The following AP3D1 variants were observed in gnomAD, a reference collection of about 807,000 sequenced individuals.
AP3D1 encodes adaptor related protein complex 3 subunit delta 1.
In AP3D1, 51 loss-of-function variants were observed where a neutral mutation model predicts 147.6. The ratio of observed to expected loss-of-function variants is 0.35; its 90% CI spans 0.28 to 0.44. AP3D1 has a LOEUF of 0.44. Among genes scored for constraint, AP3D1 ranks in the 20% least tolerant of loss-of-function variants. The pLI, the probability that AP3D1 is intolerant of heterozygous loss-of-function variation, is 1.00. For synonymous variants in AP3D1, 760 were observed against 663.0 expected (o/e 1.15, Z -2.25); for missense variants, 1,421 against 1,624.2 (o/e 0.87, Z 2.15).
chr19:2,154,089 A>G (rs914788721), upstream of AP3D1, among the ~76,000 whole-genome samples: 10 of 151,738 alleles, frequency 6.6e-5, no homozygotes, highest in Non-Finnish European at 1.3e-4. Context: ...CTGGGATTAC[A>G]GCTGCCCACC....
At chr19:2,115,078 C>T in intron 20 of AP3D1, 141 bp downstream of exon 20, 3 of 938,408 alleles carry the variant, frequency 3.2e-6, no homozygotes, top group Non-Finnish European at 4.7e-6. Flanking sequence ...ACAGAGAGGC[C>T]TCTCCTCCTA....
chr19:2,137,945 A>C (rs1599484923), intron 2 of AP3D1, 138 bp from the exon 3 acceptor site: 107 of 491,112 alleles, frequency 2.2e-4, no homozygotes, highest in Middle Eastern at 4.4e-4. Context: ...CCCAATACGT[A>C]CCCCTGGGGC....
chr19:2,116,805 G>A (rs916804021), intron 16 of AP3D1, 59 bp from the exon 17 acceptor site: 37 of 1,526,850 alleles, frequency 2.4e-5, no homozygotes, highest in Admixed American at 8.4e-5. Context: ...GCCTGCAGGC[G>A]TCCGCCCTGA....
chr19:2,102,513 G>C (rs556762882), intron 31 of AP3D1, among the ~76,000 whole-genome samples: 1 of 152,166 alleles, frequency 6.6e-6, no homozygotes, highest in East Asian at 1.9e-4. Flanking sequence ...CAGATCACCA[G>C]GTCAGGATAT....
intron 1 of AP3D1, among the ~76,000 whole-genome samples, chr19:2,159,525 A>G (rs1427857797): frequency 6.6e-6 from 1 of 150,706 alleles, no homozygotes; most frequent in Non-Finnish European, 1.5e-5. Flanking sequence ...AGTAGCTGGG[A>G]CTACAGGTGC....
At chr19:2,143,992 A>T (rs1305002320) in intron 1 of AP3D1, among the ~76,000 whole-genome samples, 2 of 151,906 alleles carry the variant, frequency 1.3e-5, no homozygotes, top group African/African-American at 2.4e-5. Flanking sequence ...AGGCTGAGGC[A>T]AGAGAATCGC....
At chr19:2,135,041 A>G (rs1392134973) in intron 4 of AP3D1, among the ~76,000 whole-genome samples, 1 of 151,780 alleles carries the variant, frequency 6.6e-6, no homozygotes. Context: ...TCTATTAAAA[A>G]CACAAAAAAA....
intron 1 of AP3D1, among the ~76,000 whole-genome samples, chr19:2,141,472 T>C (rs2019218603): frequency 6.7e-6 from 1 of 149,882 alleles, no homozygotes; most frequent in Admixed American, 6.7e-5. Flanking sequence ...TCTTGCTCTG[T>C]CACCAGGCTG....
Position 2,111,698 on chromosome 19 carries a change from G to A in AP3D1, c.2918C>T (p.Pro973Leu). The A allele has an allele frequency of 1.3e-6, 2 of 1,596,006 alleles. No homozygotes were observed. The highest frequency in any genetic ancestry group is 1.3e-5 in the African/African-American group (1 of 74,688). ...CCTCACCGGGAGCTGCTCCTCCTCT[G>A]GCGCGCCATTCTGCACCGGCTCCCC... ...AAGEPVQNGA[P>L]EEEQLPPESS... The change falls in exon 25 of 32, where the codon CCA becomes CTA. Residue 973 changes from proline to leucine, a missense_variant. This residue lies in a region of AP3D1 where 791 missense variants were observed against 761.4 expected (regional missense o/e 1.04). Coordinates refer to ENST00000643116, the MANE Select transcript of AP3D1 (RefSeq NM_001261826.3).
intron 1 of AP3D1, among the ~76,000 whole-genome samples, chr19:2,141,739 CTTTT>C (rs376543698): frequency 6.8e-6 from 1 of 147,386 alleles, no homozygotes; most frequent in African/African-American, 2.5e-5. Flanking sequence ...CATGCCCGGC[CTTTT>C]TTTTTTCTTT....
intron 1 of AP3D1, among the ~76,000 whole-genome samples, chr19:2,144,319 CTT>C (rs769779378): frequency 6.6e-6 from 1 of 152,220 alleles, no homozygotes; most frequent in Non-Finnish European, 1.5e-5. Flanking sequence ...GCTTTATTCT[CTT>C]GTTGTGGACA....
chr19:2,139,361 G>A (rs1327371850), intron 1 of AP3D1, among the ~76,000 whole-genome samples: 1 of 152,150 alleles, frequency 6.6e-6, no homozygotes, highest in African/African-American at 2.4e-5. Context: ...GACTCTCACT[G>A]CTGTGAAAAC....
intron 14 of AP3D1, 81 bp from the exon 15 acceptor site, chr19:2,118,913 G>A (rs1237887736): frequency 7.5e-7 from 1 of 1,325,094 alleles, no homozygotes; most frequent in Non-Finnish European, 1.0e-6. Flanking sequence ...AGGAGGCCTG[G>A]GCTCGTCACC....
intron 1 of AP3D1, among the ~76,000 whole-genome samples, chr19:2,162,712 G>T (rs1461529546): frequency 1.3e-5 from 2 of 151,666 alleles, no homozygotes; most frequent in African/African-American, 4.8e-5. Context: ...ACAGTACAAG[G>T]CACTTGTACT....
intron 1 of AP3D1, among the ~76,000 whole-genome samples, chr19:2,161,474 T>A (rs1427899730): frequency 6.6e-6 from 1 of 152,074 alleles, no homozygotes; most frequent in Non-Finnish European, 1.5e-5. Context: ...CTGGGCCTGA[T>A]AATTAAAAAT....
At chr19:2,115,706 C>T in intron 18 of AP3D1, 93 bp from the exon 19 acceptor site, 1 of 1,349,242 alleles carries the variant, frequency 7.4e-7, no homozygotes. Context: ...GACGCAGCCC[C>T]AACATCCTAA....
chr19:2,102,354 G>A (rs1159534991), intron 31 of AP3D1, 86 bp from the exon 32 acceptor site: 1 of 1,217,966 alleles, frequency 8.2e-7, no homozygotes, highest in Non-Finnish European at 1.2e-6. Flanking sequence ...AGCATTTTGG[G>A]AGGCCAAGGT....
At chr19:2,113,973 T>C in intron 22 of AP3D1, 152 bp downstream of exon 22, 1 of 1,363,624 alleles carries the variant, frequency 7.3e-7, no homozygotes, top group East Asian at 2.5e-5. Flanking sequence ...AAGCCACATG[T>C]CCTCACTCCG....
At chr19:2,133,515 T>TC (rs1175633080) in intron 4 of AP3D1, 1 of 152,072 alleles carries the variant, frequency 6.6e-6, no homozygotes, top group East Asian at 1.9e-4. Flanking sequence ...GGCCAGCTTT[T>TC]TTTTTTTTGA....
Sources: allele counts gnomAD v4.1 joint callset (sites outside exome capture counted in the v4.1 genomes callset), GRCh38; gene constraint gnomAD v4.1.1; regional missense constraint gnomAD v4.1.1; transcripts MANE v1.5; gene names NCBI Gene and HGNC (gene_info 2026-07-23, HGNC 2026-07-21).